Variants in SLC5A4 observed in about 807,000 individuals in gnomAD.
The protein encoded by SLC5A4 is solute carrier family 5 member 4.
SLC5A4 carries 55 observed loss-of-function variants against 70.3 expected under a neutral mutation model. The observed-to-expected ratio is 0.78, with a 90% CI of 0.63 to 0.98. The LOEUF is 0.98. SLC5A4 is among the 50% of genes least tolerant of loss of function. SLC5A4 has a pLI of 0.00. For synonymous variants in SLC5A4, 268 were observed against 305.7 expected (o/e 0.88, Z 1.29); for missense variants, 735 against 839.2 (o/e 0.88, Z 1.53).
At chr22:32,319,271 G>A in the SLC5A4 span, among the ~76,000 whole-genome samples, 1 of 151,938 alleles carries the variant, frequency 6.6e-6, no homozygotes, top group South Asian at 2.1e-4. Context: ...CTGGGACTCA[G>A]GCCCTCGACC....
the SLC5A4 span, among the ~76,000 whole-genome samples, chr22:32,332,455 C>T: frequency 1.1e-4 from 17 of 152,348 alleles, 1 homozygote; most frequent in African/African-American, 4.1e-4. Flanking sequence ...CAGGCTCATT[C>T]CTTTCCATCC....
chr22:32,352,670 A>ACCTG, the SLC5A4 span, among the ~76,000 whole-genome samples: 1 of 152,058 alleles, frequency 6.6e-6, no homozygotes, highest in South Asian at 2.1e-4. Context: ...CAACGCTCCG[A>ACCTG]CCTGCCTTCC....
the SLC5A4 span, among the ~76,000 whole-genome samples, chr22:32,315,672 G>A: frequency 1.3e-5 from 2 of 151,700 alleles, no homozygotes; most frequent in Non-Finnish European, 2.9e-5. Context: ...GAGACCGTAT[G>A]GTGAAAACTG....
the SLC5A4 span, among the ~76,000 whole-genome samples, chr22:32,269,104 G>A: frequency 2.0e-5 from 3 of 152,136 alleles, no homozygotes; most frequent in Admixed American, 6.5e-5. This position sits in a 1 kb window ranked among gnomAD's most constrained non-coding sequence, Gnocchi z 4.1. Context: ...TGTTGGCCAT[G>A]GCGGTCTCGA....
chr22:32,269,483 C>T, the SLC5A4 span: 5 of 551,478 alleles, frequency 9.1e-6, no homozygotes, highest in Non-Finnish European at 1.8e-5. The surrounding 1 kb of genome is among the most constrained non-coding windows in gnomAD (Gnocchi z 4.1). Context: ...CGAGCCCAAC[C>T]AGACCTGGCC....
the SLC5A4 span, among the ~76,000 whole-genome samples, chr22:32,283,249 T>C: frequency 6.6e-6 from 1 of 152,260 alleles, no homozygotes; most frequent in Non-Finnish European, 1.5e-5. Flanking sequence ...GCCTTTGCAC[T>C]TGCAGTTCCT....
In SLC5A4 at chr22:32,218,561, T is replaced by C. The variant is rs1364627740; in HGVS notation, c.1933A>G (p.Ile645Val). 9 of 1,613,584 alleles carry C rather than the reference T, an allele frequency of 5.6e-6. No homozygotes were observed. The highest frequency in any genetic ancestry group is 7.6e-6 in the Non-Finnish European group (9 of 1,179,984). Residue 645 changes from isoleucine (I) to valine (V), a missense_variant, in exon 15 of 15, where the codon ATC (isoleucine) becomes GTC (valine). Physicochemically the swap from Ile to Val is conservative, Grantham distance 29. Coordinates refer to ENST00000266086, the MANE Select transcript of SLC5A4 (RefSeq NM_014227.3). ...SWRTIVNINA[I>V]LLLAVVVFIH... Reference sequence around the variant, plus strand: ...AAGACCACCACAGCCAGGAGGAGGATGGCGTTGATGTTCACTATTGTCCTC... The same window carrying C: ...AAGACCACCACAGCCAGGAGGAGGACGGCGTTGATGTTCACTATTGTCCTC...
the SLC5A4 span, among the ~76,000 whole-genome samples, chr22:32,324,483 A>G: frequency 6.6e-6 from 1 of 152,142 alleles, no homozygotes; most frequent in Non-Finnish European, 1.5e-5. Context: ...TCTTTCCAGA[A>G]AGCCCCAGTG....
the SLC5A4 span, among the ~76,000 whole-genome samples, chr22:32,340,563 G>A: frequency 6.6e-6 from 1 of 152,208 alleles, no homozygotes; most frequent in African/African-American, 2.4e-5. Context: ...AGAGTGACGG[G>A]AGTAGGTGGC....
intron 5 of SLC5A4, among the ~76,000 whole-genome samples, chr22:32,241,643 A>G (rs1926514286): frequency 6.6e-6 from 1 of 152,118 alleles, no homozygotes; most frequent in Admixed American, 6.6e-5. Context: ...TCATTTGTCA[A>G]TTTATGCTTT....
At chr22:32,263,402 A>C in the SLC5A4 span, among the ~76,000 whole-genome samples, 2 of 152,244 alleles carry the variant, frequency 1.3e-5, no homozygotes, top group Non-Finnish European at 2.9e-5. Context: ...AATTCCTTAG[A>C]AACATGCAGT....
chr22:32,313,779 T>C, the SLC5A4 span, among the ~76,000 whole-genome samples: 1 of 151,796 alleles, frequency 6.6e-6, no homozygotes, highest in East Asian at 1.9e-4. Flanking sequence ...GTCTGGCCAA[T>C]GTCATGTAAG....
chr22:32,224,226 T>C, intron 13 of SLC5A4, 41 bp downstream of exon 13: 1 of 1,509,424 alleles, frequency 6.6e-7, no homozygotes, highest in Middle Eastern at 1.7e-4. Context: ...GGCCAAGAAC[T>C]CTTATTTAAA....
the SLC5A4 span, among the ~76,000 whole-genome samples, chr22:32,287,248 A>T: frequency 6.6e-6 from 1 of 152,190 alleles, no homozygotes; most frequent in Non-Finnish European, 1.5e-5. Flanking sequence ...TGAGTTTCAC[A>T]GTCCAAACAC....
At chr22:32,244,423 A>G (rs1314676347) in intron 5 of SLC5A4, among the ~76,000 whole-genome samples, 1 of 152,202 alleles carries the variant, frequency 6.6e-6, no homozygotes, top group Non-Finnish European at 1.5e-5. Flanking sequence ...TTCATATTAA[A>G]ACACACTATC....
At chr22:32,346,925 A>G in the SLC5A4 span, among the ~76,000 whole-genome samples, 7 of 151,396 alleles carry the variant, frequency 4.6e-5, no homozygotes, top group African/African-American at 1.7e-4. Context: ...GCAACCTACA[A>G]AATGGGAGAA....
chr22:32,324,245 G>GTA, the SLC5A4 span, among the ~76,000 whole-genome samples: 1 of 136,058 alleles, frequency 7.3e-6, no homozygotes, highest in African/African-American at 2.8e-5. Context: ...ACATATGTAT[G>GTA]TGTATATATA....
In SLC5A4 at chr22:32,233,047, C is replaced by A. The variant is rs184217249; in HGVS notation, c.886-13G>T. 6.2e-7 allele frequency: 1 copy of A among 1,609,176 alleles called. No homozygotes were observed. The highest frequency in any genetic ancestry group is 1.7e-5 in the Admixed American group (1 of 59,116). On this transcript the variant is annotated splice_polypyrimidine_tract_variant and intron_variant, in intron 8 of 14. Coordinates refer to ENST00000266086, the MANE Select transcript of SLC5A4 (RefSeq NM_014227.3). ...GCTGCACAATGACCTGCCGGGAGAA[C>A]GTGACACACTCATGAAACAAGCCAG...
the SLC5A4 span, among the ~76,000 whole-genome samples, chr22:32,338,381 C>T: frequency 6.8e-6 from 1 of 148,044 alleles, no homozygotes; most frequent in African/African-American, 2.5e-5. Context: ...GGACGCGGTG[C>T]CTCACGCCTG....
Sources: gnomAD v4.1 joint callset for allele counts (sites outside exome capture counted in the v4.1 genomes callset) on GRCh38, gnomAD v4.1.1 for gene constraint, Gnocchi (gnomAD v3.1) non-coding constraint, MANE v1.5 for transcripts, NCBI Gene and HGNC (gene_info 2026-07-23, HGNC 2026-07-21) for gene names.